The following DOK6 variants were observed in gnomAD, a reference collection of about 807,000 sequenced individuals.
DOK6 encodes the protein downstream of tyrosine kinase 6.
DOK6 carries 22 observed loss-of-function variants against 44.0 expected under a neutral mutation model. The observed-to-expected ratio is 0.50, with a 90% CI of 0.36 to 0.71. The LOEUF is 0.71. Ranked by LOEUF, DOK6 falls within the 30% of genes least tolerant of loss-of-function variation. The pLI, the probability that DOK6 is intolerant of heterozygous loss-of-function variation, is 0.00. For synonymous variants in DOK6, 166 were observed against 145.5 expected (o/e 1.14, Z -1.01); for missense variants, 340 against 416.4 (o/e 0.82, Z 1.60).
chr18:69,779,453 TAC>T (rs36016822), intron 7 of DOK6, among the ~76,000 whole-genome samples: 18,621 of 148,892 alleles, frequency 0.13, 1,681 homozygotes, highest in African/African-American at 0.25. Context: ...ACACACAGTC[TAC>T]ACACACACAC....
chr18:69,662,752 C>T (rs1019025118), intron 3 of DOK6: 1 of 152,234 alleles, frequency 6.6e-6, no homozygotes, highest in African/African-American at 2.4e-5. Context: ...CAATGAAACA[C>T]TGTCCCATTG....
At chr18:69,509,578 C>T (rs1981299550) in intron 1 of DOK6, among the ~76,000 whole-genome samples, 1 of 135,622 alleles carries the variant, frequency 7.4e-6, no homozygotes, top group Non-Finnish European at 1.5e-5. Flanking sequence ...GTGGAGCTTG[C>T]AGTGAGCCGA....
At chr18:69,570,001 G>A (rs1188001307) in intron 2 of DOK6, among the ~76,000 whole-genome samples, 2 of 151,950 alleles carry the variant, frequency 1.3e-5, no homozygotes, top group African/African-American at 4.8e-5. Context: ...GAGAACATAT[G>A]GACAGAATGA....
chr18:69,510,835 T>G, intron 1 of DOK6, among the ~76,000 whole-genome samples: 1 of 152,294 alleles, frequency 6.6e-6, no homozygotes, highest in Middle Eastern at 3.4e-3. Context: ...TTATTTTTGC[T>G]CATTTCCTCA....
intron 1 of DOK6, among the ~76,000 whole-genome samples, chr18:69,495,317 T>G (rs1169892714): frequency 1.3e-5 from 2 of 152,234 alleles, no homozygotes; most frequent in African/African-American, 4.8e-5. Context: ...CAGCCCTGTA[T>G]GTGTTACAGC....
At chr18:69,730,718 G>T (rs2144731051) in intron 5 of DOK6, among the ~76,000 whole-genome samples, 1 of 152,250 alleles carries the variant, frequency 6.6e-6, no homozygotes, top group East Asian at 1.9e-4. Flanking sequence ...GAACATCTAG[G>T]TGATTGCATT....
chr18:69,531,294 A>T (rs1981979894), intron 1 of DOK6, among the ~76,000 whole-genome samples: 1 of 146,798 alleles, frequency 6.8e-6, no homozygotes, highest in Admixed American at 7.1e-5. Flanking sequence ...GTTATATATT[A>T]TATATATTTT....
chr18:69,771,152 C>T (rs2144765912), intron 7 of DOK6, among the ~76,000 whole-genome samples: 1 of 151,858 alleles, frequency 6.6e-6, no homozygotes, highest in South Asian at 2.1e-4. Flanking sequence ...TGAGAAAACT[C>T]AAGACATGAA....
chr18:69,808,731 T>C (rs1981129115), intron 7 of DOK6, among the ~76,000 whole-genome samples: 1 of 151,804 alleles, frequency 6.6e-6, no homozygotes, highest in Non-Finnish European at 1.5e-5. Context: ...CTATCCAGAC[T>C]GAATCATGAA....
chr18:69,814,367 C>A (rs984611185), intron 7 of DOK6, among the ~76,000 whole-genome samples: 7 of 152,052 alleles, frequency 4.6e-5, no homozygotes, highest in African/African-American at 1.7e-4. Flanking sequence ...GTTGCCATGT[C>A]ATTTGAGGCA....
chr18:69,675,044 A>G (rs1985890043), intron 3 of DOK6, among the ~76,000 whole-genome samples: 1 of 152,162 alleles, frequency 6.6e-6, no homozygotes, highest in South Asian at 2.1e-4. Flanking sequence ...CTATTCTTAT[A>G]TGCTACTACA....
intron 1 of DOK6, among the ~76,000 whole-genome samples, chr18:69,439,726 C>T (rs355983): frequency 0.082 from 12,542 of 152,240 alleles, 540 homozygotes; most frequent in Middle Eastern, 0.14. Context: ...GTTCTGGATT[C>T]GGCTTTGGCT....
chr18:69,495,661 C>A (rs560541237), intron 1 of DOK6, among the ~76,000 whole-genome samples: 5 of 152,330 alleles, frequency 3.3e-5, no homozygotes, highest in Admixed American at 6.5e-5. Flanking sequence ...AGCCTTCAGG[C>A]CCTTCCCAGC....
At chr18:69,416,504 G>A (rs1448072579) in intron 1 of DOK6, among the ~76,000 whole-genome samples, 1 of 152,094 alleles carries the variant, frequency 6.6e-6, no homozygotes, top group Non-Finnish European at 1.5e-5. Flanking sequence ...TTCAAAGTGA[G>A]GACTTTACAT....
chr18:69,701,062 C>A (rs1986507464), intron 5 of DOK6, among the ~76,000 whole-genome samples: 1 of 152,172 alleles, frequency 6.6e-6, no homozygotes, highest in Non-Finnish European at 1.5e-5. Context: ...CATTGACACA[C>A]TTTTTCAAAT....
chr18:69,735,211 C>T (rs183772972), intron 5 of DOK6, among the ~76,000 whole-genome samples: 1 of 152,188 alleles, frequency 6.6e-6, no homozygotes, highest in Non-Finnish European at 1.5e-5. Context: ...AGGATATTCT[C>T]TTAGATTCCA....
intron 4 of DOK6, among the ~76,000 whole-genome samples, chr18:69,689,737 T>A (rs1986225102): frequency 6.6e-6 from 1 of 152,144 alleles, no homozygotes; most frequent in African/African-American, 2.4e-5. Context: ...TGAACCAATA[T>A]AAAAGGACTG....
intron 3 of DOK6, 121 bp downstream of exon 3, chr18:69,599,619 A>G: frequency 1.4e-6 from 1 of 692,542 alleles, no homozygotes; most frequent in Non-Finnish European, 2.4e-6. Flanking sequence ...TGTGCTGTAG[A>G]AGACTTCGTT....
At chr18:69,651,851 T>C (rs1428750463) in intron 3 of DOK6, among the ~76,000 whole-genome samples, 3 of 152,144 alleles carry the variant, frequency 2.0e-5, no homozygotes, top group African/African-American at 7.2e-5. Context: ...TAAACATCTC[T>C]CTGACCTCCA....
Sources: gnomAD v4.1 joint callset for allele counts (sites outside exome capture counted in the v4.1 genomes callset) on GRCh38, gnomAD v4.1.1 for gene constraint, MANE v1.5 for transcripts, NCBI Gene and HGNC (gene_info 2026-07-23, HGNC 2026-07-21) for gene names.